Variants in PIDD1 observed in about 807,000 individuals in gnomAD.
PIDD1 encodes the protein p53-induced death domain-containing protein 1.
A neutral mutation model predicts 80.0 loss-of-function variants in PIDD1; 72 were observed. The observed-to-expected ratio is 0.90, with a 90% CI of 0.74 to 1.09. PIDD1 has a LOEUF of 1.09. PIDD1 is among the 50% of genes least tolerant of loss of function. The probability of loss-of-function intolerance (pLI) is 0.00; values close to 1 mark genes in which losing one functional copy is unlikely to be tolerated. For missense variants in PIDD1, 1,329 were observed against 1,228.3 expected, an observed-to-expected ratio of 1.08 and a Z score of -1.23; for synonymous variants, 655 against 543.5, an observed-to-expected ratio of 1.21 and a Z score of -2.85.
upstream of PIDD1, among the ~76,000 whole-genome samples, chr11:806,677 G>T (rs1218128271): frequency 2.0e-5 from 3 of 151,940 alleles, no homozygotes; most frequent in Admixed American, 2.0e-4. Context: ...CCACCTCCAG[G>T]GTTCACACCG....
Position 803,497 on chromosome 11 carries a change from T to A in PIDD1, c.386A>T (p.His129Leu), listed in dbSNP as rs1440396479. The A allele has an allele frequency of 1.9e-6, 3 of 1,613,336 alleles. No homozygotes were observed. The highest frequency in any genetic ancestry group is 2.5e-6 in the Non-Finnish European group (3 of 1,179,938). ...CAGGCTGTTGAAGCTCAGGTCCAGG[T>A]GGGCCAGATGGGCCAGGCCACTCAG... ...AGLSGLAHLA[H>L]LDLSFNSLET... Residue 129 changes from histidine to leucine, a missense_variant, in exon 3 of 16, where the codon CAC (histidine) becomes CTC (leucine). Coordinates refer to ENST00000347755, the MANE Select transcript of PIDD1 (RefSeq NM_145886.4).
In PIDD1 at chr11:801,631, T is replaced by TG. The variant is rs55974235; in HGVS notation, c.1303-8dup. The TG allele has an allele frequency of 0.51, 784,540 of 1,547,308 alleles. 203,398 individuals are homozygous for TG. The highest frequency in any genetic ancestry group is 0.64 in the Admixed American group (32,539 of 51,048). ...GGCAGTGAGCCCAGAGCCGCTGGGA[T>TG]GGGGGAGAGAGGAGGTCACAGGAGC... On this transcript the variant is annotated splice_region_variant and splice_polypyrimidine_tract_variant and intron_variant, in intron 7 of 15. Coordinates refer to ENST00000347755, the MANE Select transcript of PIDD1 (RefSeq NM_145886.4).
chr11:804,485 T>G (rs988092376), intron 1 of PIDD1, 22 bp from the exon 2 acceptor site: 4 of 1,467,640 alleles, frequency 2.7e-6, no homozygotes, highest in African/African-American at 1.4e-5. Flanking sequence ...GGAGGAGGAG[T>G]GAGCGGGAGC....
rs536750035 is a variant in PIDD1, at chr11:799,990, G to T, written c.2299C>A (p.Arg767=). 2.0e-4 allele frequency: 322 copies of T among 1,612,758 alleles called. 1 individual carries two copies. The highest frequency in any genetic ancestry group is 8.4e-5 in the Non-Finnish European group (99 of 1,179,890). Residue 767 remains arginine, a synonymous_variant, in exon 15 of 16, where the codon CGG becomes AGG. Transcript: ENST00000347755. Reference sequence around the variant, plus strand: ...GCCAAGGAGAGGCCAGCCCCCCGCCGTGGCCCCTCGGACCCTCGAAGTCTC... The same window carrying T: ...GCCAAGGAGAGGCCAGCCCCCCGCCTTGGCCCCTCGGACCCTCGAAGTCTC... ...LPRLRGSEGP[R]RGAGLSLAPL...
Position 800,264 on chromosome 11 carries a change from G to C in PIDD1, c.2161-20C>G, listed in dbSNP as rs1224666640. 1 of 1,611,560 alleles carries C rather than the reference G, an allele frequency of 6.2e-7. No homozygotes were observed. Among genetic ancestry groups the C allele is most frequent in the East Asian group, 2.2e-5 (1 of 44,862 alleles). ...GGACACCTGAAGGGGCATCGAATGG[G>C]GTTCGGAGTTCGGTCCTCTGCCCAA... On this transcript the variant is annotated intron_variant, in intron 13 of 15. Coordinates refer to ENST00000347755, the MANE Select transcript of PIDD1 (RefSeq NM_145886.4).
In PIDD1 at chr11:801,555, C is replaced by T; in HGVS notation, c.1372G>A (p.Ala458Thr). The change falls in exon 8 of 16, where the codon GCC becomes ACC. Residue 458 changes from alanine to threonine, a missense_variant. Transcript: ENST00000347755. Reference sequence around the variant, plus strand: ...GTCCCCTCCGGTGGCACCAGGCAGGCATTGGACACAGGGCGGGAAACCACA... The same window carrying T: ...GTCCCCTCCGGTGGCACCAGGCAGGTATTGGACACAGGGCGGGAAACCACA... ...FLVVSRPVSN[A>T]CLVPPEGTLL... is the part of the protein sequence containing the mutation. 6.4e-7 allele frequency: 1 copy of T among 1,568,998 alleles called. No homozygotes were observed. The highest frequency in any genetic ancestry group is 8.6e-7 in the Non-Finnish European group (1 of 1,157,002).
At chr11:807,392 T>C (rs2133824716), upstream of PIDD1, among the ~76,000 whole-genome samples, 1 of 151,232 alleles carries the variant, frequency 6.6e-6, no homozygotes, top group Non-Finnish European at 1.5e-5. Flanking sequence ...GGCAGGAGAA[T>C]GGTGTGAACC....
rs143252564 is a variant in PIDD1 at position 803,304 on chromosome 11, T to C, written c.579A>G (p.Leu193=). 4 of 1,613,730 alleles carry C rather than the reference T, an allele frequency of 2.5e-6. No individual in the cohort carries two copies. Among genetic ancestry groups the C allele is most frequent in the African/African-American group, 1.3e-5 (1 of 74,988 alleles). The change falls in exon 3 of 16, where the codon CTA becomes CTG. Residue 193 remains leucine (L), a synonymous_variant. Coordinates refer to ENST00000347755, the MANE Select transcript of PIDD1 (RefSeq NM_145886.4). ...LQTLPPALGA[L]STLQRLDLSQ... ...AGAGATCGAGGCGCTGCAGGGTGGATAGGGCCCCCAGTGCTGGGGGCAGCG... is the reference window on the plus strand; with the variant it reads ...AGAGATCGAGGCGCTGCAGGGTGGACAGGGCCCCCAGTGCTGGGGGCAGCG...
chr11:805,763 G>T, upstream of PIDD1: 1 of 811,902 alleles, frequency 1.2e-6, no homozygotes, highest in Non-Finnish European at 1.5e-6. Context: ...TGAGCCTCCT[G>T]GCACTGTCTC....
In PIDD1 at chr11:799,876, C is replaced by G. The variant is rs1373291439; in HGVS notation, c.2413G>C (p.Ala805Pro). ...VAGRLGLDWP[A>P]VALHLGVSYR... ...GACACCCCCAGGTGCAGGGCCACGG[C>G]TGGCCAGTCCAGACCCAGACGCCCA... Residue 805 changes from alanine to proline, a missense_variant, in exon 15 of 16, where the codon GCC becomes CCC. Transcript: ENST00000347755. 6.2e-7 allele frequency: 1 copy of G among 1,611,460 alleles called. No homozygotes were observed.
chr11:801,300 G>A lies in PIDD1; in HGVS notation c.1548C>T (p.Pro516=). 1 of 1,600,968 alleles carries A rather than the reference G, an allele frequency of 6.2e-7. No individual in the cohort carries two copies. Among genetic ancestry groups the A allele is most frequent in the Admixed American group, 1.7e-5 (1 of 58,558 alleles). The change falls in exon 9 of 16, where the codon CCC becomes CCT. Residue 516 remains proline (P), a synonymous_variant. Coordinates refer to ENST00000347755, the MANE Select transcript of PIDD1 (RefSeq NM_145886.4). ...LLGEPEAAVS[P]LLCLSQSGPP... Reference sequence around the variant, plus strand: ...GACCGCTCTGTGACAGGCACAGCAGGGGGCTCACTGCAGCCTCTGGTTCTC... The same window carrying A: ...GACCGCTCTGTGACAGGCACAGCAGAGGGCTCACTGCAGCCTCTGGTTCTC...
chr11:803,677 G>C, intron 2 of PIDD1, 90 bp from the exon 3 acceptor site: 1 of 1,447,396 alleles, frequency 6.9e-7, no homozygotes, highest in Non-Finnish European at 9.4e-7. Context: ...CTGCTCGAGA[G>C]GCACAGACCT....
intron 4 of PIDD1, 37 bp from the exon 5 acceptor site, chr11:802,634 G>C (rs1259162918): frequency 6.2e-7 from 1 of 1,607,172 alleles, no homozygotes; most frequent in Admixed American, 1.7e-5. Flanking sequence ...GGACAGTGAG[G>C]AGACTCATGT....
Position 800,171 on chromosome 11 carries a change from G to C in PIDD1, c.2234C>G (p.Ala745Gly), listed in dbSNP as rs377204310. The change falls in exon 14 of 16, where the codon GCA becomes GGA. Residue 745 changes from alanine (A) to glycine (G), a missense_variant. Coordinates refer to ENST00000347755, the MANE Select transcript of PIDD1 (RefSeq NM_145886.4). ...CAGAGTGGCCATCCACAGGGCGTCT[G>C]CGCCCTTCCTCTGCCGGGCAGCCTC... ...EAEAARQRKGADALWMATLPI... is the reference protein window; with the variant it reads ...EAEAARQRKGGDALWMATLPI... 6.2e-7 allele frequency: 1 copy of C among 1,610,900 alleles called. No homozygotes were observed. Among genetic ancestry groups the C allele is most frequent in the African/African-American group, 1.3e-5 (1 of 75,050 alleles).
chr11:802,927 C>G, intron 3 of PIDD1, 36 bp from the exon 4 acceptor site: 3 of 1,523,454 alleles, frequency 2.0e-6, no homozygotes, highest in Non-Finnish European at 2.7e-6. Context: ...TGGCACCAGC[C>G]CAGCCCACGG....
At chr11:805,313 T>A, upstream of PIDD1, 1 of 737,972 alleles carries the variant, frequency 1.4e-6, no homozygotes, top group Non-Finnish European at 1.7e-6. Flanking sequence ...ACGCGCCCCC[T>A]CCGCCGGGCT....
chr11:799,260 G>A lies in PIDD1; in HGVS notation c.*47C>T. 1 of 1,519,994 alleles carries A rather than the reference G, an allele frequency of 6.6e-7. No individual in the cohort carries two copies. The highest frequency in any genetic ancestry group is 1.4e-5 in the African/African-American group (1 of 72,958). The allele number at this position is 1,519,994 out of a possible 1,614,324, so 94.2% of individuals were successfully genotyped here. On this transcript the variant is annotated 3_prime_UTR_variant, in exon 16 of 16. Coordinates refer to ENST00000347755, the MANE Select transcript of PIDD1 (RefSeq NM_145886.4). ...GGAGAGACTTGAAGGTGGGGGCTCT[G>A]CCCATCCACTGGGGAATATCTGGGC... is the stretch of plus-strand genomic sequence containing the variant.
chr11:805,535 G>C (rs2133817921), upstream of PIDD1: 1 of 865,928 alleles, frequency 1.2e-6, no homozygotes. Context: ...GGGGCCCCGG[G>C]CCGCTCCGAG....
At chr11:802,166 A>G in intron 6 of PIDD1, 29 bp downstream of exon 6, 1 of 1,571,376 alleles carries the variant, frequency 6.4e-7, no homozygotes, top group Non-Finnish European at 8.6e-7. Flanking sequence ...CCTGGCCCAC[A>G]CACTGCCCCC....
Sources: gnomAD v4.1 joint callset for allele counts (sites outside exome capture counted in the v4.1 genomes callset) on GRCh38, gnomAD v4.1.1 for gene constraint, MANE v1.5 for transcripts, NCBI Gene and HGNC (gene_info 2026-07-23, HGNC 2026-07-21) for gene names.